SLC22A15: variants seen among roughly 807,000 people sequenced by gnomAD.
SLC22A15 encodes the protein flipt 1.
In SLC22A15, 45 loss-of-function variants were observed where a neutral mutation model predicts 62.7. The observed-to-expected ratio is 0.72, with a 90% confidence interval of 0.56 to 0.92. The LOEUF (loss-of-function observed/expected upper bound fraction) is 0.92. Among genes scored for constraint, SLC22A15 ranks in the 40% least tolerant of loss-of-function variants. The probability of loss-of-function intolerance (pLI) is 0.00; values close to 1 mark genes in which losing one functional copy is unlikely to be tolerated. For synonymous variants in SLC22A15, 264 were observed against 267.0 expected (o/e 0.99, Z 0.11); for missense variants, 622 against 665.6 (o/e 0.93, Z 0.72).
chr1:116,024,720 C>G (rs756173248), intron 4 of SLC22A15, among the ~76,000 whole-genome samples: 1 of 152,140 alleles, frequency 6.6e-6, no homozygotes, highest in African/African-American at 2.4e-5. Context: ...CTCATTTCAG[C>G]TCCCCATCCT....
intron 8 of SLC22A15, among the ~76,000 whole-genome samples, chr1:116,049,888 C>T (rs555439653): frequency 1.3e-5 from 2 of 152,068 alleles, no homozygotes; most frequent in East Asian, 1.9e-4. Context: ...ATCCAAATAA[C>T]CTCATTAAGA....
chr1:116,029,238 T>C (rs1452546962), intron 5 of SLC22A15, among the ~76,000 whole-genome samples: 1 of 152,216 alleles, frequency 6.6e-6, no homozygotes, highest in Non-Finnish European at 1.5e-5. Context: ...TTTACCTAGC[T>C]TAAAAATTCC....
chr1:115,990,809 G>C (rs1256198033), intron 1 of SLC22A15, among the ~76,000 whole-genome samples: 1 of 152,208 alleles, frequency 6.6e-6, no homozygotes, highest in Non-Finnish European at 1.5e-5. Context: ...CCAGGCTGGA[G>C]TGCAGTGGCG....
At chr1:116,046,653 G>A (rs576195352) in intron 8 of SLC22A15, among the ~76,000 whole-genome samples, 5 of 152,254 alleles carry the variant, frequency 3.3e-5, no homozygotes, top group East Asian at 3.9e-4. Context: ...CAGCAATCCC[G>A]AGAGGACCCA....
intron 2 of SLC22A15, among the ~76,000 whole-genome samples, chr1:115,992,586 C>G (rs968175570): frequency 6.6e-6 from 1 of 151,024 alleles, no homozygotes; most frequent in Non-Finnish European, 1.5e-5. Flanking sequence ...GGAAATGTAA[C>G]GATTCATATA....
intron 1 of SLC22A15, among the ~76,000 whole-genome samples, chr1:115,981,731 A>G (rs963436054): frequency 1.3e-5 from 2 of 152,234 alleles, no homozygotes; most frequent in Non-Finnish European, 2.9e-5. Flanking sequence ...CATGGAAAGC[A>G]ACTAGACTGA....
intron 8 of SLC22A15, among the ~76,000 whole-genome samples, chr1:116,043,046 T>C (rs2101500731): frequency 6.6e-6 from 1 of 152,316 alleles, no homozygotes; most frequent in South Asian, 2.1e-4. Flanking sequence ...TATATGGATA[T>C]GGAACAACAT....
chr1:116,054,923 A>AGTGTG, intron 8 of SLC22A15, among the ~76,000 whole-genome samples: 3 of 152,174 alleles, frequency 2.0e-5, no homozygotes, highest in African/African-American at 7.2e-5. Context: ...AGGGAAATTT[A>AGTGTG]TAGCACTAAA....
chr1:115,989,838 C>A (rs1008299680), intron 1 of SLC22A15, among the ~76,000 whole-genome samples: 1 of 151,700 alleles, frequency 6.6e-6, no homozygotes, highest in Non-Finnish European at 1.5e-5. Flanking sequence ...AATAGTGCCT[C>A]GCACATAGTT....
intron 2 of SLC22A15, among the ~76,000 whole-genome samples, chr1:115,993,391 C>G (rs1330930250): frequency 6.6e-6 from 1 of 151,508 alleles, no homozygotes; most frequent in Non-Finnish European, 1.5e-5. Context: ...ACCACTCCTT[C>G]CTGGAAGCCA....
chr1:115,978,793 A>G (rs1057311273), intron 1 of SLC22A15, among the ~76,000 whole-genome samples: 1 of 152,190 alleles, frequency 6.6e-6, no homozygotes, highest in African/African-American at 2.4e-5. Context: ...GCTCAGTTGT[A>G]TCACAGGTGA....
chr1:116,056,193 A>C (rs573654459), intron 8 of SLC22A15, among the ~76,000 whole-genome samples: 1 of 152,282 alleles, frequency 6.6e-6, no homozygotes, highest in East Asian at 1.9e-4. Flanking sequence ...AAGCTGATAA[A>C]CAACTTCAGC....
At position 116,066,510 on chromosome 1, in the gene SLC22A15, G is replaced by A. The variant is rs373135353; in HGVS notation, c.1366-10G>A. On this transcript the variant is annotated splice_polypyrimidine_tract_variant and intron_variant, in intron 10 of 11. Coordinates refer to ENST00000369503, the MANE Select transcript of SLC22A15 (RefSeq NM_018420.3). ...CTGGTTTATTTTCATTCCACTCCCC[G>A]CCTCTGCAGAAATATGTGCAATGGT... is the stretch of plus-strand genomic sequence containing the variant. 64 of 1,537,942 alleles carry A rather than the reference G, an allele frequency of 4.2e-5. 1 individual carries two copies. The highest frequency in any genetic ancestry group is 2.4e-4 in the South Asian group (20 of 84,048).
intron 8 of SLC22A15, among the ~76,000 whole-genome samples, chr1:116,049,634 T>C (rs1407398427): frequency 6.6e-6 from 1 of 152,016 alleles, no homozygotes; most frequent in Non-Finnish European, 1.5e-5. Context: ...CCTAAACACC[T>C]ACATCAAAAA....
intron 1 of SLC22A15, among the ~76,000 whole-genome samples, chr1:115,982,450 C>T (rs1034273103): frequency 3.9e-5 from 6 of 152,220 alleles, no homozygotes; most frequent in Middle Eastern, 3.4e-3. Context: ...TGCATTTTGT[C>T]TCTCAGCAAT....
chr1:116,068,112 A>G lies in SLC22A15; in HGVS notation c.*1004A>G, dbSNP rs1009966604. ...GAACTTCTTGTCCTAGATCAGCCCC[A>G]ATCTGTTTAATCAAAATGGAAGGTT... is the stretch of plus-strand genomic sequence containing the variant. On this transcript the variant is annotated 3_prime_UTR_variant, in exon 12 of 12. Transcript: ENST00000369503. The G allele has an allele frequency of 6.5e-6, 1 of 152,676 alleles. No homozygotes were observed. The highest frequency in any genetic ancestry group is 1.5e-5 in the Non-Finnish European group (1 of 68,042). 9.5% of individuals were successfully genotyped at this position (152,676 alleles called of 1,614,324 possible).
At chr1:115,984,619 C>CA (rs34273080) in intron 1 of SLC22A15, among the ~76,000 whole-genome samples, 9 of 151,636 alleles carry the variant, frequency 5.9e-5, no homozygotes, top group East Asian at 1.9e-4. Flanking sequence ...CTTCTACTTG[C>CA]AAAAAAAAGT....
chr1:116,056,061 T>C lies in SLC22A15; in HGVS notation c.1172-6701T>C, dbSNP rs1047286394. Among the ~76,000 whole-genome samples the C allele has an allele frequency of 1.8e-4, 22 of 123,954 alleles. 1 individual carries two copies. Among genetic ancestry groups the C allele is most frequent in the African/African-American group, 5.3e-4 (17 of 32,366 alleles). 81.3% of individuals were successfully genotyped at this position (123,954 alleles called of 152,430 possible). The stretch of plus-strand genomic sequence containing the variant: ...GTGTTGGAAGTTCTGGCCAGGGCAA[T>C]TATGCAGGAGAAGGAAATAAAGGAT... On this transcript the variant is annotated intron_variant, in intron 8 of 11. Coordinates refer to ENST00000369503, the MANE Select transcript of SLC22A15 (RefSeq NM_018420.3).
chr1:116,011,180 A>G (rs960572928), intron 2 of SLC22A15, among the ~76,000 whole-genome samples: 2 of 152,208 alleles, frequency 1.3e-5, no homozygotes, highest in African/African-American at 2.4e-5. Context: ...CCTGGCTTGC[A>G]GGTTCCTTGA....
Sources: allele counts gnomAD v4.1 joint callset (sites outside exome capture counted in the v4.1 genomes callset), GRCh38; gene constraint gnomAD v4.1.1; transcripts MANE v1.5; gene names NCBI Gene and HGNC (gene_info 2026-07-23, HGNC 2026-07-21).